Variants in SENP7 observed in about 807,000 individuals in gnomAD.
The protein encoded by SENP7 is sentrin-specific protease 7.
In SENP7, 64 loss-of-function variants were observed where a neutral mutation model predicts 141.2. The ratio of observed to expected loss-of-function variants is 0.45; its 90% CI spans 0.37 to 0.56. The LOEUF is 0.56. Ranked by LOEUF, SENP7 falls within the 20% of genes least tolerant of loss-of-function variation. The pLI is 0.00. For missense variants in SENP7, 1,025 were observed against 1,212.2 expected (o/e 0.85, Z 2.29); for synonymous variants, 382 against 426.4 (o/e 0.90, Z 1.28).
chr3:101,488,564 A>T (rs1268461169), intron 3 of SENP7, among the ~76,000 whole-genome samples: 1 of 152,208 alleles, frequency 6.6e-6, no homozygotes, highest in East Asian at 1.9e-4. Flanking sequence ...CATGCAGGCC[A>T]GGCGCGGTGG....
At chr3:101,446,444 T>C (rs2062899357) in intron 4 of SENP7, among the ~76,000 whole-genome samples, 1 of 152,180 alleles carries the variant, frequency 6.6e-6, no homozygotes, top group Admixed American at 6.5e-5. Context: ...AAACATTTCA[T>C]CCAATAGCTG....
chr3:101,414,957 C>T (rs1053857649), intron 5 of SENP7, among the ~76,000 whole-genome samples: 1 of 152,202 alleles, frequency 6.6e-6, no homozygotes, highest in East Asian at 1.9e-4. Context: ...ACTCTTCTTA[C>T]TACACAGGTA....
intron 6 of SENP7, among the ~76,000 whole-genome samples, chr3:101,397,138 C>T (rs560404720): frequency 3.3e-5 from 5 of 152,050 alleles, no homozygotes; most frequent in Middle Eastern, 3.4e-3. Context: ...CCACCATACC[C>T]GGCTGTTGTT....
Position 101,459,057 on chromosome 3 carries a change from GA to G in SENP7, c.187-6del, listed in dbSNP as rs151020849. On this transcript the variant is annotated splice_region_variant and splice_polypyrimidine_tract_variant and intron_variant, in intron 3 of 23. Coordinates refer to ENST00000394095, the MANE Select transcript of SENP7 (RefSeq NM_020654.5). ...ATTCCTTAGGCTTCTTTCCCACTAGGAAAAAAAAAATGAAATTTTAATAATA... is the reference window on the plus strand; with the variant it reads ...ATTCCTTAGGCTTCTTTCCCACTAGGAAAAAAAAATGAAATTTTAATAATA... 114,973 of 1,393,994 alleles carry G rather than the reference GA, an allele frequency of 0.082. 4,697 individuals are homozygous for G. Among genetic ancestry groups the G allele is most frequent in the Middle Eastern group, 0.15 (788 of 5,352 alleles). 86.4% of individuals were successfully genotyped at this position (1,393,994 alleles called of 1,614,324 possible).
intron 6 of SENP7, among the ~76,000 whole-genome samples, chr3:101,389,057 A>G (rs1361689987): frequency 2.0e-5 from 3 of 152,204 alleles, no homozygotes; most frequent in African/African-American, 7.2e-5. Flanking sequence ...GAAAAAACAA[A>G]GGGATAGAAA....
chr3:101,457,318 T>A (rs1282557784), intron 4 of SENP7: 7 of 1,423,354 alleles, frequency 4.9e-6, no homozygotes, highest in Non-Finnish European at 4.9e-6. Context: ...TCCTCCCCAG[T>A]AGCAAGTGGT....
At chr3:101,493,793 T>A (rs1010971836) in intron 3 of SENP7, 80 bp downstream of exon 3, 1 of 842,314 alleles carries the variant, frequency 1.2e-6, no homozygotes, top group Non-Finnish European at 1.8e-6. Context: ...TATCAGAAAA[T>A]AAACATTCAG....
intron 1 of SENP7, among the ~76,000 whole-genome samples, chr3:101,511,784 T>C (rs1214075691): frequency 2.0e-5 from 3 of 152,328 alleles, no homozygotes; most frequent in Middle Eastern, 3.4e-3. Flanking sequence ...AGGGCACTCC[T>C]AAATAAATTT....
chr3:101,343,211 T>C (rs556156081), intron 14 of SENP7, among the ~76,000 whole-genome samples: 1 of 152,330 alleles, frequency 6.6e-6, no homozygotes, highest in East Asian at 1.9e-4. Flanking sequence ...ACCACTTTTC[T>C]TTTTGTAAAT....
chr3:101,339,743 GAT>G (rs1215006314), intron 16 of SENP7, among the ~76,000 whole-genome samples: 1 of 151,596 alleles, frequency 6.6e-6, no homozygotes, highest in African/African-American at 2.4e-5. Context: ...AGATACAACA[GAT>G]ATCTCAATAG....
intron 4 of SENP7, among the ~76,000 whole-genome samples, chr3:101,428,228 G>C (rs549319651): frequency 6.6e-6 from 1 of 152,170 alleles, no homozygotes; most frequent in Non-Finnish European, 1.5e-5. Flanking sequence ...GGGATTGCTA[G>C]GTCAAATGGT....
intron 11 of SENP7, among the ~76,000 whole-genome samples, chr3:101,356,842 G>T (rs557183399): frequency 3.9e-5 from 6 of 152,038 alleles, no homozygotes; most frequent in African/African-American, 1.4e-4. Flanking sequence ...AGTACAAAAT[G>T]TGTGCAATAA....
In SENP7 at chr3:101,505,460, G is replaced by T. The variant is rs547175443; in HGVS notation, c.41-4341C>A. ...AAAAGTGCTTCCATCCTGTTTTGTA[G>T]TATGTTCCCCTATTTCCTTTCATTA... On this transcript the variant is annotated intron_variant, in intron 1 of 23. Transcript: ENST00000394095. Among the ~76,000 whole-genome samples the T allele has an allele frequency of 3.7e-3, 570 of 152,246 alleles. 2 individuals carry two copies. The highest frequency in any genetic ancestry group is 0.014 in the Admixed American group (213 of 15,284).
intron 3 of SENP7, among the ~76,000 whole-genome samples, chr3:101,489,274 C>A (rs2108081527): frequency 6.6e-6 from 1 of 152,202 alleles, no homozygotes; most frequent in East Asian, 1.9e-4. Flanking sequence ...ATACAACAAC[C>A]AACAACATAA....
chr3:101,391,444 G>A (rs1206744267), intron 6 of SENP7, among the ~76,000 whole-genome samples: 1 of 151,672 alleles, frequency 6.6e-6, no homozygotes, highest in African/African-American at 2.4e-5. Context: ...AGAATAATTA[G>A]AGGATATTAT....
chr3:101,388,901 A>G (rs1201576866), intron 6 of SENP7, among the ~76,000 whole-genome samples: 1 of 152,102 alleles, frequency 6.6e-6, no homozygotes, highest in African/African-American at 2.4e-5. Context: ...ACCAAGAAGA[A>G]TTTCTGAACT....
intron 5 of SENP7, among the ~76,000 whole-genome samples, chr3:101,402,539 T>C (rs1419967793): frequency 7.0e-6 from 1 of 142,664 alleles, no homozygotes; most frequent in African/African-American, 2.6e-5. Flanking sequence ...GGAGAATCGC[T>C]TGAACCTGGG....
intron 3 of SENP7, among the ~76,000 whole-genome samples, chr3:101,466,053 G>C (rs1406507555): frequency 3.3e-5 from 5 of 151,782 alleles, no homozygotes; most frequent in Admixed American, 2.0e-4. Context: ...CTTGAAAACA[G>C]ATTTTTAAAA....
chr3:101,463,894 G>A (rs1025119304), intron 3 of SENP7, among the ~76,000 whole-genome samples: 2 of 151,876 alleles, frequency 1.3e-5, no homozygotes, highest in African/African-American at 2.4e-5. Flanking sequence ...GCGCGATCTC[G>A]GCTCACTGCA....
Sources: allele counts gnomAD v4.1 joint callset (sites outside exome capture counted in the v4.1 genomes callset), GRCh38; gene constraint gnomAD v4.1.1; transcripts MANE v1.5; gene names NCBI Gene and HGNC (gene_info 2026-07-23, HGNC 2026-07-21).